PRKD1: variants seen among roughly 807,000 people sequenced by gnomAD.
The protein encoded by PRKD1 is serine/threonine-protein kinase D1.
PRKD1 carries 63 observed loss-of-function variants against 95.9 expected under a neutral mutation model. The observed-to-expected ratio is 0.66, with a 90% CI of 0.54 to 0.81. The LOEUF (loss-of-function observed/expected upper bound fraction) is 0.81. Ranked by LOEUF, PRKD1 falls within the 30% of genes least tolerant of loss-of-function variation. PRKD1 has a pLI of 0.00. For synonymous variants in PRKD1, 425 were observed against 423.1 expected (o/e 1.00, Z -0.05); for missense variants, 1,048 against 1,165.3 (o/e 0.90, Z 1.47).
chr14:29,588,790 TTG>T (rs34773417), intron 16 of PRKD1, among the ~76,000 whole-genome samples: 39,549 of 144,956 alleles, frequency 0.27, 5,168 homozygotes, highest in Admixed American at 0.31. Flanking sequence ...ATTCCTAAAG[TTG>T]TGTGTGTGTG....
At chr14:29,621,238 T>C (rs1690323123) in intron 13 of PRKD1, among the ~76,000 whole-genome samples, 10 of 151,422 alleles carry the variant, frequency 6.6e-5, no homozygotes, top group Admixed American at 6.6e-4. Context: ...ATATACCTAA[T>C]GCTAAATGAT....
chr14:29,877,357 T>C (rs1218550129), intron 1 of PRKD1, among the ~76,000 whole-genome samples: 1 of 152,234 alleles, frequency 6.6e-6, no homozygotes, highest in Non-Finnish European at 1.5e-5. Flanking sequence ...GTTTTTCTCA[T>C]ACATTTAAGT....
chr14:29,800,405 G>A (rs2139216026), intron 1 of PRKD1, among the ~76,000 whole-genome samples: 1 of 152,270 alleles, frequency 6.6e-6, no homozygotes, highest in African/African-American at 2.4e-5. Context: ...ATTAAAACCT[G>A]TGTTCTAGAC....
In PRKD1 at chr14:29,879,564, C is replaced by A. The variant is rs183333347; in HGVS notation, c.264+47685G>T. On this transcript the variant is annotated intron_variant, in intron 1 of 17. Coordinates refer to ENST00000331968, the MANE Select transcript of PRKD1 (RefSeq NM_002742.3). ...AGCAGCATGAAAACAGAATAATACA[C>A]TAAATTTGTACTGGGAGTGGGGTGT... Among the ~76,000 whole-genome samples, 11 of 152,214 alleles carry A rather than the reference C, an allele frequency of 7.2e-5. No individual in the cohort carries two copies. In the East Asian group the frequency reaches 1.5e-3, roughly 21 times the overall value.
chr14:29,774,885 T>C (rs1424916034), intron 1 of PRKD1, among the ~76,000 whole-genome samples: 1 of 151,984 alleles, frequency 6.6e-6, no homozygotes, highest in Admixed American at 6.6e-5. Context: ...ATGATAATAG[T>C]GGTGCTTTAT....
chr14:29,583,859 C>A (rs1892827545), intron 16 of PRKD1, among the ~76,000 whole-genome samples: 1 of 152,140 alleles, frequency 6.6e-6, no homozygotes, highest in Admixed American at 6.5e-5. Context: ...TCTAATGTTT[C>A]TTTTGCTACA....
At chr14:29,854,487 A>G (rs1892423538) in intron 1 of PRKD1, among the ~76,000 whole-genome samples, 1 of 152,254 alleles carries the variant, frequency 6.6e-6, no homozygotes, top group African/African-American at 2.4e-5. Flanking sequence ...TCTAAGCAGC[A>G]AAGCATTCAA....
chr14:29,757,737 T>C (rs189409221), intron 1 of PRKD1, among the ~76,000 whole-genome samples: 16 of 151,702 alleles, frequency 1.1e-4, no homozygotes, highest in Admixed American at 9.2e-4. Context: ...GGCCTGATCA[T>C]AGATGAGGTC....
At chr14:29,885,728 A>G (rs747107241) in intron 1 of PRKD1, among the ~76,000 whole-genome samples, 1 of 147,880 alleles carries the variant, frequency 6.8e-6, no homozygotes, top group Non-Finnish European at 1.5e-5. Context: ...GCATTTCGGA[A>G]AGCTGAGGTG....
At chr14:29,840,900 T>C (rs1024354795) in intron 1 of PRKD1, among the ~76,000 whole-genome samples, 16 of 152,160 alleles carry the variant, frequency 1.1e-4, no homozygotes, top group African/African-American at 3.4e-4. Context: ...CAAGATGACA[T>C]TTGGGTGGGG....
chr14:29,665,776 T>C (rs1465383056), intron 3 of PRKD1, among the ~76,000 whole-genome samples: 2 of 151,974 alleles, frequency 1.3e-5, no homozygotes, highest in Non-Finnish European at 2.9e-5. Context: ...CATACATAGA[T>C]CTATGTACAT....
At chr14:29,680,105 T>C (rs935247568) in intron 2 of PRKD1, among the ~76,000 whole-genome samples, 3 of 152,184 alleles carry the variant, frequency 2.0e-5, no homozygotes, top group Non-Finnish European at 4.4e-5. Flanking sequence ...ACAACTTTAG[T>C]ATTTCAAGTT....
intron 1 of PRKD1, among the ~76,000 whole-genome samples, chr14:29,910,390 A>G (rs1230642939): frequency 6.6e-6 from 1 of 152,158 alleles, no homozygotes; most frequent in Non-Finnish European, 1.5e-5. Flanking sequence ...AACTCTGGAC[A>G]CACCACCTTT....
intron 11 of PRKD1, among the ~76,000 whole-genome samples, chr14:29,628,448 T>C (rs1399809847): frequency 6.6e-6 from 1 of 152,148 alleles, no homozygotes; most frequent in African/African-American, 2.4e-5. Flanking sequence ...TGACGGACTG[T>C]AAAATATTTC....
chr14:29,629,823 G>A (rs956052715), intron 10 of PRKD1, among the ~76,000 whole-genome samples: 68 of 152,162 alleles, frequency 4.5e-4, no homozygotes, highest in African/African-American at 1.4e-3. Flanking sequence ...TACTCTGCAC[G>A]TCAATACCCT....
intron 16 of PRKD1, among the ~76,000 whole-genome samples, chr14:29,584,662 C>T (rs563667520): frequency 2.0e-5 from 3 of 152,148 alleles, no homozygotes; most frequent in African/African-American, 7.2e-5. Flanking sequence ...ATGTAAATCG[C>T]CATTTTCTTA....
In PRKD1 at chr14:29,663,817, G is replaced by T; in HGVS notation, c.578C>A (p.Pro193His). The change falls in exon 4 of 18, where the codon CCC (proline) becomes CAC (histidine). Residue 193 changes from proline (P) to histidine (H), a missense_variant. Coordinates refer to ENST00000331968, the MANE Select transcript of PRKD1 (RefSeq NM_002742.3). ...NYHKRCAFKI[P>H]NNCSGVRRRR... is the part of the protein sequence containing the mutation. ...CCGCCTCACACCGCTGCAATTGTTG[G>T]GTATTTTAAATGCACATCTCTTATG... The T allele has an allele frequency of 6.2e-7, 1 of 1,613,846 alleles. No individual in the cohort carries two copies. Among genetic ancestry groups the T allele is most frequent in the Non-Finnish European group, 8.5e-7 (1 of 1,179,900 alleles).
chr14:29,748,691 G>A (rs1887341933), intron 1 of PRKD1, among the ~76,000 whole-genome samples: 1 of 152,094 alleles, frequency 6.6e-6, no homozygotes, highest in African/African-American at 2.4e-5. Context: ...CAGCACCTAG[G>A]ACATGCCAAG....
intron 1 of PRKD1, among the ~76,000 whole-genome samples, chr14:29,880,043 A>T (rs1312189102): frequency 6.6e-6 from 1 of 152,236 alleles, no homozygotes. Flanking sequence ...TAGAAAAGAA[A>T]AACCCATTTT....
Sources: allele counts gnomAD v4.1 joint callset (sites outside exome capture counted in the v4.1 genomes callset), GRCh38; gene constraint gnomAD v4.1.1; transcripts MANE v1.5; gene names NCBI Gene and HGNC (gene_info 2026-07-23, HGNC 2026-07-21).